Variants in EXOC4 observed in about 807,000 individuals in gnomAD.
The protein encoded by EXOC4 is SEC8-like 1.
Under a neutral mutation model 107.2 loss-of-function variants are expected in EXOC4, and 71 were observed. The ratio of observed to expected loss-of-function variants is 0.66; its 90% confidence interval spans 0.55 to 0.81. EXOC4 has a LOEUF of 0.81. EXOC4 is among the 30% of genes least tolerant of loss of function. The probability of loss-of-function intolerance (pLI) is 0.00; values close to 1 mark genes in which losing one functional copy is unlikely to be tolerated. For synonymous variants in EXOC4, 456 were observed against 441.2 expected (o/e 1.03, Z -0.42); for missense variants, 1,108 against 1,189.6 (o/e 0.93, Z 1.01).
chr7:133,827,782 C>A (rs1025192689), intron 11 of EXOC4, among the ~76,000 whole-genome samples: 2 of 152,136 alleles, frequency 1.3e-5, no homozygotes, highest in African/African-American at 4.8e-5. Flanking sequence ...AACTGGAGGA[C>A]TTTATCTCCT....
At chr7:133,821,097 A>G (rs1454360997) in intron 11 of EXOC4, among the ~76,000 whole-genome samples, 1 of 152,218 alleles carries the variant, frequency 6.6e-6, no homozygotes, top group Non-Finnish European at 1.5e-5. Flanking sequence ...TAATAATAGA[A>G]GAAGTAAAAA....
intron 7 of EXOC4, among the ~76,000 whole-genome samples, chr7:133,401,674 G>A (rs1236762505): frequency 6.7e-6 from 1 of 149,682 alleles, no homozygotes. Flanking sequence ...AGAAAAAAAA[G>A]ATAAATCATC....
At chr7:133,928,550 A>G (rs1301851762) in intron 13 of EXOC4, among the ~76,000 whole-genome samples, 1 of 152,086 alleles carries the variant, frequency 6.6e-6, no homozygotes, top group Non-Finnish European at 1.5e-5. Flanking sequence ...TTTGCCATCA[A>G]GATTCAGCTT....
Position 133,996,456 on chromosome 7 carries a change from A to G in EXOC4, c.2207-1036A>G, listed in dbSNP as rs111661342. Among the ~76,000 whole-genome samples the G allele has an allele frequency of 2.7e-3, 407 of 152,322 alleles. 2 individuals carry two copies. The highest frequency in any genetic ancestry group is 8.9e-3 in the African/African-American group (370 of 41,574). On this transcript the variant is annotated intron_variant, in intron 14 of 17. Coordinates refer to ENST00000253861, the MANE Select transcript of EXOC4 (RefSeq NM_021807.4). ...ATGGGGATACAATAGAAGTTTAGAG[A>G]TAAACAGATGTAGTTTTTTGTTTTT...
At chr7:133,887,804 T>C (rs1000853804) in intron 11 of EXOC4, among the ~76,000 whole-genome samples, 2 of 152,176 alleles carry the variant, frequency 1.3e-5, no homozygotes, top group Non-Finnish European at 2.9e-5. Flanking sequence ...TATTAATTGC[T>C]GCCCACATGT....
chr7:133,305,164 T>C (rs976877061), intron 3 of EXOC4, among the ~76,000 whole-genome samples: 1 of 152,096 alleles, frequency 6.6e-6, no homozygotes, highest in African/African-American at 2.4e-5. Context: ...CCATTTATTG[T>C]AGGCATTCCT....
intron 12 of EXOC4, among the ~76,000 whole-genome samples, chr7:133,911,733 T>G (rs1049309783): frequency 5.9e-5 from 9 of 152,186 alleles, no homozygotes; most frequent in African/African-American, 2.2e-4. Context: ...CACCTACAGA[T>G]CCAACTATTT....
At chr7:133,897,223 G>A (rs982857531) in intron 12 of EXOC4, among the ~76,000 whole-genome samples, 2 of 150,236 alleles carry the variant, frequency 1.3e-5, no homozygotes, top group African/African-American at 5.0e-5. Context: ...CCTCATTCCA[G>A]CAAGAAGAAT....
At chr7:133,857,148 GTATATA>G (rs60382657) in intron 11 of EXOC4, among the ~76,000 whole-genome samples, 9 of 20,714 alleles carry the variant, frequency 4.3e-4, no homozygotes, top group Admixed American at 9.5e-4. Flanking sequence ...ACACATACAC[GTATATA>G]TATATATATA....
chr7:133,457,042 C>G (rs866106891), intron 7 of EXOC4, among the ~76,000 whole-genome samples: 3 of 152,114 alleles, frequency 2.0e-5, no homozygotes, highest in South Asian at 2.1e-4. Context: ...TAACATAGTG[C>G]CCTGCATTCA....
intron 17 of EXOC4, among the ~76,000 whole-genome samples, chr7:134,054,967 G>C (rs1302865050): frequency 6.6e-6 from 1 of 152,074 alleles, no homozygotes; most frequent in African/African-American, 2.4e-5. Flanking sequence ...TGAATTTCAG[G>C]TGGCCCATTT....
In EXOC4 at chr7:133,604,706, C is replaced by CT. The variant is rs1554477961; in HGVS notation, c.1418-25336dup. Among the ~76,000 whole-genome samples the CT allele has an allele frequency of 4.0e-3, 348 of 87,480 alleles. 12 individuals carry two copies. Among genetic ancestry groups the CT allele is most frequent in the Middle Eastern group, 7.2e-3 (1 of 138 alleles). The allele number at this position is 87,480 out of a possible 152,430, so 57.4% of individuals were successfully genotyped here. On this transcript the variant is annotated intron_variant, in intron 9 of 17. Coordinates refer to ENST00000253861, the MANE Select transcript of EXOC4 (RefSeq NM_021807.4). ...TTTTTCTTTCCTTCCTTCCTTCCTT[C>CT]TTTCTTTTTTTTTTTTTTTTTTTTT...
chr7:134,091,806 G>C, the EXOC4 span, among the ~76,000 whole-genome samples: 4 of 152,142 alleles, frequency 2.6e-5, no homozygotes, highest in African/African-American at 9.7e-5. Context: ...TTATACAGGG[G>C]CCTATCTTTA....
intron 17 of EXOC4, among the ~76,000 whole-genome samples, chr7:134,029,141 A>G (rs1021199212): frequency 6.6e-6 from 1 of 152,230 alleles, no homozygotes; most frequent in Admixed American, 6.5e-5. Context: ...ACGTACCCTC[A>G]GTATCCAAAA....
chr7:133,990,836 A>G (rs942374619), intron 14 of EXOC4, among the ~76,000 whole-genome samples: 26 of 152,084 alleles, frequency 1.7e-4, no homozygotes, highest in African/African-American at 5.3e-4. Flanking sequence ...GAATTGGTGG[A>G]TATTTAGGCT....
chr7:133,636,264 C>G (rs545640410), intron 10 of EXOC4, among the ~76,000 whole-genome samples: 88 of 152,076 alleles, frequency 5.8e-4, no homozygotes, highest in Non-Finnish European at 1.1e-3. Context: ...AGAGACAACG[C>G]TTAACCAGAA....
intron 10 of EXOC4, among the ~76,000 whole-genome samples, chr7:133,792,137 T>A (rs750424757): frequency 6.6e-6 from 1 of 152,156 alleles, no homozygotes; most frequent in Admixed American, 6.5e-5. Flanking sequence ...ATCATGAGGA[T>A]CCTGATTTGG....
chr7:133,618,846 A>G (rs1434900041), intron 9 of EXOC4, among the ~76,000 whole-genome samples: 1 of 152,206 alleles, frequency 6.6e-6, no homozygotes, highest in Non-Finnish European at 1.5e-5. Context: ...TATTGAACAT[A>G]GTAAATGTAC....
chr7:134,002,893 C>A (rs1462497705), intron 15 of EXOC4, among the ~76,000 whole-genome samples: 2 of 24,188 alleles, frequency 8.3e-5, no homozygotes, highest in African/African-American at 1.7e-4. Flanking sequence ...TGGTACAGCT[C>A]CTTTGGAAAG....
Sources: allele counts gnomAD v4.1 joint callset (sites outside exome capture counted in the v4.1 genomes callset), GRCh38; gene constraint gnomAD v4.1.1; transcripts MANE v1.5; gene names NCBI Gene and HGNC (gene_info 2026-07-23, HGNC 2026-07-21).